Variants in UBE2O observed in about 807,000 individuals in gnomAD.
UBE2O encodes the protein (E3-independent) E2 ubiquitin-conjugating enzyme.
UBE2O carries 15 observed loss-of-function variants against 125.8 expected under a neutral mutation model. The ratio of observed to expected loss-of-function variants is 0.12; its 90% CI spans 0.08 to 0.18. The LOEUF (loss-of-function observed/expected upper bound fraction) is 0.18. Ranked by LOEUF, UBE2O falls within the 10% of genes least tolerant of loss-of-function variation. The probability of loss-of-function intolerance (pLI) is 1.00; values close to 1 mark genes in which losing one functional copy is unlikely to be tolerated. For synonymous variants in UBE2O, 708 were observed against 703.2 expected, an observed-to-expected ratio of 1.01 and a Z score of -0.11; for missense variants, 1,280 against 1,723.6, an observed-to-expected ratio of 0.74 and a Z score of 4.56.
At chr17:76,393,714 G>C (rs555548194) in intron 15 of UBE2O, among the ~76,000 whole-genome samples, 75 of 152,226 alleles carry the variant, frequency 4.9e-4, no homozygotes, top group Middle Eastern at 3.4e-3. Flanking sequence ...GAACTCCATG[G>C]GGGAGGTTGG....
At chr17:76,446,301 G>A (rs1260512704) in intron 1 of UBE2O, among the ~76,000 whole-genome samples, 2 of 152,210 alleles carry the variant, frequency 1.3e-5, no homozygotes, top group Non-Finnish European at 2.9e-5. Context: ...CAGGACTGTT[G>A]TGCTGGCAAT....
chr17:76,441,177 C>T (rs1463672090), intron 1 of UBE2O, among the ~76,000 whole-genome samples: 1 of 152,172 alleles, frequency 6.6e-6, no homozygotes, highest in Non-Finnish European at 1.5e-5. Context: ...ACATGCCTGG[C>T]TCACAGCAGG....
At chr17:76,448,831 TG>T (rs1189409818) in intron 1 of UBE2O, among the ~76,000 whole-genome samples, 2 of 152,240 alleles carry the variant, frequency 1.3e-5, no homozygotes, top group African/African-American at 4.8e-5. Flanking sequence ...CATTTGGCTT[TG>T]TTACAAAATT....
At position 76,426,388 on chromosome 17, in the gene UBE2O, C is replaced by A. The variant is rs1369874317; in HGVS notation, c.418-20816G>T. ...TTGCAGGATTTGCTCTGCTGTCTTC[C>A]AGTCTGAGTACCTGTCTTAACTGGC... On this transcript the variant is annotated intron_variant, in intron 1 of 17. Transcript: ENST00000319380. 2.0e-5 allele frequency among the ~76,000 whole-genome samples: 3 copies of A among 152,200 alleles called. No individual in the cohort carries two copies. In the East Asian group the frequency reaches 5.8e-4, roughly 29 times the overall value.
intron 1 of UBE2O, among the ~76,000 whole-genome samples, chr17:76,420,274 C>G (rs2072687476): frequency 6.6e-6 from 1 of 152,098 alleles, no homozygotes; most frequent in South Asian, 2.1e-4. Context: ...ACACAAGAGC[C>G]CTGATCCAAG....
Position 76,398,324 on chromosome 17 carries a change from C to T in UBE2O, c.1956G>A (p.Arg652=). 1 of 1,614,086 alleles carries T rather than the reference C, an allele frequency of 6.2e-7. No individual in the cohort carries two copies. The highest frequency in any genetic ancestry group is 8.5e-7 in the Non-Finnish European group (1 of 1,180,018). The change falls in exon 12 of 18, where the codon AGG becomes AGA. Residue 652 remains arginine (R), a synonymous_variant. Coordinates refer to ENST00000319380, the MANE Select transcript of UBE2O (RefSeq NM_022066.4). This position sits in a 1 kb window ranked among gnomAD's most constrained non-coding sequence, Gnocchi z 5.4. ...GGATGACGATGTCAGTTGTACGGAA[C>T]CTAAAGTCAGGGTGGTCAGCAATGT... ...VYDIADHPDF[R]FRTTDIVIRI...
At chr17:76,417,088 G>A (rs908161761) in intron 1 of UBE2O, among the ~76,000 whole-genome samples, 1 of 152,218 alleles carries the variant, frequency 6.6e-6, no homozygotes, top group African/African-American at 2.4e-5. Flanking sequence ...CTCATCAGGG[G>A]GTTGGGCAAC....
intron 13 of UBE2O, among the ~76,000 whole-genome samples, 189 bp from the exon 14 acceptor site, chr17:76,397,010 C>A (rs2072222614): frequency 6.6e-6 from 1 of 152,126 alleles, no homozygotes; most frequent in Non-Finnish European, 1.5e-5. Flanking sequence ...CTGGGAGAGG[C>A]CCTTCACCTG....
chr17:76,395,949 C>T lies in UBE2O; in HGVS notation c.2810-88G>A. ...CTGGCTGGACAGGTGAGCACACCCA[C>T]AGACTTCCCACTCGCCGCTGCTGGC... On this transcript the variant is annotated intron_variant, in intron 14 of 17. Coordinates refer to ENST00000319380, the MANE Select transcript of UBE2O (RefSeq NM_022066.4). This position sits in a 1 kb window ranked among gnomAD's most constrained non-coding sequence, Gnocchi z 5.0. 1.3e-6 allele frequency: 2 copies of T among 1,578,940 alleles called. No individual in the cohort carries two copies. The highest frequency in any genetic ancestry group is 1.1e-5 in the South Asian group (1 of 89,832).
intron 5 of UBE2O, chr17:76,401,721 C>T (rs2072328738): frequency 5.4e-6 from 1 of 185,452 alleles, no homozygotes; most frequent in African/African-American, 2.4e-5. Flanking sequence ...ACTAAAAATA[C>T]AAAAATTAGA....
At position 76,405,236 on chromosome 17, in the gene UBE2O, G is replaced by T. The variant is rs372928726; in HGVS notation, c.558C>A (p.Pro186=). Reference sequence around the variant, plus strand: ...TGTGCTGCAGGTCCTTGCTGTTGACGGGATAGATGATGCAGTTGGTGCCGA... The same window carrying T: ...TGTGCTGCAGGTCCTTGCTGTTGACTGGATAGATGATGCAGTTGGTGCCGA... ...KLIGTNCIIY[P]VNSKDLQHIW... The change falls in exon 3 of 18, where the codon CCC becomes CCA. Residue 186 remains proline, a synonymous_variant. Coordinates refer to ENST00000319380, the MANE Select transcript of UBE2O (RefSeq NM_022066.4). This position sits in a 1 kb window ranked among gnomAD's most constrained non-coding sequence, Gnocchi z 6.1. 1 of 1,612,972 alleles carries T rather than the reference G, an allele frequency of 6.2e-7. No individual in the cohort carries two copies. Among genetic ancestry groups the T allele is most frequent in the Admixed American group, 1.7e-5 (1 of 59,908 alleles).
At chr17:76,401,895 A>AG (rs398039142) in intron 5 of UBE2O, 169 bp downstream of exon 5, 4 of 407,558 alleles carry the variant, frequency 9.8e-6, no homozygotes, top group Middle Eastern at 6.7e-4. Context: ...AAAAAAAAAA[A>AG]GTTCTAATAC....
intron 13 of UBE2O, 110 bp downstream of exon 13, chr17:76,397,689 A>G: frequency 9.3e-7 from 1 of 1,074,566 alleles, no homozygotes; most frequent in Middle Eastern, 2.0e-4. Flanking sequence ...GCTTTCGCTG[A>G]GATCTCACCA....
At chr17:76,409,015 C>T (rs1053323426) in intron 1 of UBE2O, among the ~76,000 whole-genome samples, 10 of 152,018 alleles carry the variant, frequency 6.6e-5, no homozygotes, top group Non-Finnish European at 1.3e-4. Context: ...CTGGCCCAGG[C>T]TGGAGTGCAG....
At chr17:76,444,848 C>T (rs1423593951) in intron 1 of UBE2O, among the ~76,000 whole-genome samples, 1 of 152,212 alleles carries the variant, frequency 6.6e-6, no homozygotes, top group East Asian at 1.9e-4. Context: ...CACATGAATA[C>T]CGGGATGCTT....
In UBE2O at chr17:76,391,850, G is replaced by A. The variant is rs139441211; in HGVS notation, c.3151-37C>T. ...AGGGCACCATCAATTCTGTTCCCCA[G>A]GCCCCTATCCACCAGTGGCTCTTCC... On this transcript the variant is annotated intron_variant, in intron 16 of 17. Coordinates refer to ENST00000319380, the MANE Select transcript of UBE2O (RefSeq NM_022066.4). The surrounding 1 kb of genome is among the most constrained non-coding windows in gnomAD (Gnocchi z 8.4). 1.9e-6 allele frequency: 3 copies of A among 1,613,988 alleles called. No homozygotes were observed. The highest frequency in any genetic ancestry group is 4.5e-5 in the East Asian group (2 of 44,872).
chr17:76,429,953 G>A (rs1011523538), intron 1 of UBE2O, among the ~76,000 whole-genome samples: 39 of 152,324 alleles, frequency 2.6e-4, no homozygotes, highest in Admixed American at 7.8e-4. Context: ...CTGGTTTGCA[G>A]AATTCAAAGA....
chr17:76,396,056 C>A lies in UBE2O; in HGVS notation c.2809+72G>T. ...GGCGAGGGGACTAACCACCCTGCAC[C>A]CAGATCTGGTGACACAAACAGGAGC... On this transcript the variant is annotated intron_variant, in intron 14 of 17. Transcript: ENST00000319380. This position sits in a 1 kb window ranked among gnomAD's most constrained non-coding sequence, Gnocchi z 6.7. 3 of 1,549,468 alleles carry A rather than the reference C, an allele frequency of 1.9e-6. No individual in the cohort carries two copies. The highest frequency in any genetic ancestry group is 8.8e-7 in the Non-Finnish European group (1 of 1,137,134).
At position 76,389,729 on chromosome 17, in the gene UBE2O, T is replaced by C. The variant is rs1408680723; in HGVS notation, c.*1214A>G. ...TCCATCCTCCCGCAGCTCTGCTGGC[T>C]GGGCGGTCACAGCACAGCACAGGTG... On this transcript the variant is annotated 3_prime_UTR_variant, in exon 18 of 18. Transcript: ENST00000319380. 6.6e-6 allele frequency: 1 copy of C among 152,120 alleles called. No individual in the cohort carries two copies. Among genetic ancestry groups the C allele is most frequent in the African/African-American group, 2.4e-5 (1 of 41,442 alleles). 9.4% of individuals were successfully genotyped at this position (152,120 alleles called of 1,614,324 possible). A position where few individuals can be genotyped will look rare whatever the true frequency, so the allele number is the denominator to read the frequency against.
Sources: allele counts gnomAD v4.1 joint callset (sites outside exome capture counted in the v4.1 genomes callset), GRCh38; gene constraint gnomAD v4.1.1; non-coding constraint Gnocchi (gnomAD v3.1); transcripts MANE v1.5; gene names NCBI Gene and HGNC (gene_info 2026-07-23, HGNC 2026-07-21).